CRIM1: variants seen among roughly 807,000 people sequenced by gnomAD.
CRIM1 encodes cysteine-rich motor neuron 1 protein.
Under a neutral mutation model 116.4 loss-of-function variants are expected in CRIM1, and 32 were observed. That is an observed-to-expected ratio of 0.27 (90% confidence interval 0.21 to 0.37). CRIM1 has a LOEUF of 0.37. Among genes scored for constraint, CRIM1 ranks in the 10% least tolerant of loss-of-function variants. The probability of loss-of-function intolerance (pLI) is 1.00; values close to 1 mark genes in which losing one functional copy is unlikely to be tolerated. For synonymous variants in CRIM1, 590 were observed against 509.2 expected, an observed-to-expected ratio of 1.16 and a Z score of -2.13; for missense variants, 1,331 against 1,354.8, an observed-to-expected ratio of 0.98 and a Z score of 0.28.
chr2:36,382,219 G>A (rs1670834161), intron 1 of CRIM1, among the ~76,000 whole-genome samples: 1 of 152,228 alleles, frequency 6.6e-6, no homozygotes, highest in Non-Finnish European at 1.5e-5. Context: ...TTTCCAAACT[G>A]CGCGTGTTGG....
At chr2:36,431,602 T>C (rs933651002) in intron 2 of CRIM1, among the ~76,000 whole-genome samples, 4 of 152,230 alleles carry the variant, frequency 2.6e-5, no homozygotes, top group Non-Finnish European at 4.4e-5. Context: ...CACTTTCTAC[T>C]ACACTACTAA....
chr2:36,373,562 G>A (rs748007501), intron 1 of CRIM1, among the ~76,000 whole-genome samples: 1 of 152,176 alleles, frequency 6.6e-6, no homozygotes, highest in Non-Finnish European at 1.5e-5. Context: ...ACATTTGTTT[G>A]TGATAGAGAA....
chr2:36,381,454 T>TACCCC (rs1344410118), intron 1 of CRIM1, among the ~76,000 whole-genome samples: 1 of 150,690 alleles, frequency 6.6e-6, no homozygotes, highest in Non-Finnish European at 1.5e-5. Flanking sequence ...GCAGTTGGGG[T>TACCCC]GAGGAGGAAA....
intron 7 of CRIM1, among the ~76,000 whole-genome samples, chr2:36,493,630 A>T (rs1030419672): frequency 2.6e-5 from 4 of 152,228 alleles, no homozygotes; most frequent in African/African-American, 9.7e-5. Flanking sequence ...GCTAATCAGA[A>T]AGAGTGCTTC....
chr2:36,408,968 G>A (rs1274522838), intron 2 of CRIM1, among the ~76,000 whole-genome samples: 8 of 151,098 alleles, frequency 5.3e-5, no homozygotes, highest in Non-Finnish European at 1.2e-4. Flanking sequence ...TGTCTTGCCA[G>A]TATTATATAT....
chr2:36,460,209 A>T (rs1187920693), intron 4 of CRIM1, among the ~76,000 whole-genome samples: 1 of 152,208 alleles, frequency 6.6e-6, no homozygotes, highest in South Asian at 2.1e-4. Context: ...ATTAACTCTA[A>T]GGATTACATT....
chr2:36,455,411 T>G (rs752843781), intron 4 of CRIM1, among the ~76,000 whole-genome samples: 4 of 152,174 alleles, frequency 2.6e-5, no homozygotes, highest in African/African-American at 4.8e-5. Flanking sequence ...TGTGGGTACT[T>G]TAATCATCCC....
In CRIM1 at chr2:36,399,135, A is replaced by T. The variant is rs1672242839; in HGVS notation, c.505+2348A>T. Among the ~76,000 whole-genome samples the T allele has an allele frequency of 4.6e-5, 7 of 152,348 alleles. 1 individual carries two copies. The South Asian group carries it at 1.4e-3, about 32-fold the overall frequency. On this transcript the variant is annotated intron_variant, in intron 2 of 16. Coordinates refer to ENST00000280527, the MANE Select transcript of CRIM1 (RefSeq NM_016441.3). Reference sequence around the variant, plus strand: ...AGTTTTATGTTGGTGGACAATAGGAAATAAAGATTGGAGGGAGGATAGGAC... The same window carrying T: ...AGTTTTATGTTGGTGGACAATAGGATATAAAGATTGGAGGGAGGATAGGAC...
At chr2:36,477,423 T>A (rs951443990) in intron 6 of CRIM1, among the ~76,000 whole-genome samples, 1 of 152,052 alleles carries the variant, frequency 6.6e-6, no homozygotes, top group African/African-American at 2.4e-5. Context: ...GCTCACCACC[T>A]CCTCACCTCA....
chr2:36,396,722 C>G lies in CRIM1; in HGVS notation c.440C>G (p.Thr147Ser). ...NGKCECNTIRTCSNPFEFPSQ... is the reference protein window; with the variant it reads ...NGKCECNTIRSCSNPFEFPSQ... ...AAATGTGAATGTAACACCATTCGAA[C>G]CTGCAGCAATCCCTTTGAGTTTCCA... is the stretch of plus-strand genomic sequence containing the variant. The change falls in exon 2 of 17, where the codon ACC (threonine) becomes AGC (serine). Residue 147 changes from threonine to serine, a missense_variant. By Grantham distance (58) the Thr-to-Ser change is moderately conservative. Coordinates refer to ENST00000280527, the MANE Select transcript of CRIM1 (RefSeq NM_016441.3). 2 of 1,613,738 alleles carry G rather than the reference C, an allele frequency of 1.2e-6. No homozygotes were observed. Among genetic ancestry groups the G allele is most frequent in the African/African-American group, 1.3e-5 (1 of 75,050 alleles).
chr2:36,386,251 C>G (rs1486500192), intron 1 of CRIM1, among the ~76,000 whole-genome samples: 1 of 152,114 alleles, frequency 6.6e-6, no homozygotes, highest in East Asian at 1.9e-4. Flanking sequence ...TAATTATTGT[C>G]ATAATACACA....
intron 8 of CRIM1, among the ~76,000 whole-genome samples, chr2:36,508,840 C>T (rs979684138): frequency 6.6e-6 from 1 of 152,144 alleles, no homozygotes; most frequent in Non-Finnish European, 1.5e-5. Flanking sequence ...TGCTACTTTC[C>T]TTTTTGCTCT....
intron 2 of CRIM1, among the ~76,000 whole-genome samples, chr2:36,404,764 A>G (rs182053403): frequency 1.3e-5 from 2 of 152,318 alleles, no homozygotes; most frequent in African/African-American, 4.8e-5. Flanking sequence ...ATTTTTACAC[A>G]AAGACTTCTG....
intron 2 of CRIM1, among the ~76,000 whole-genome samples, chr2:36,438,266 G>A (rs1675486278): frequency 6.6e-6 from 1 of 152,124 alleles, no homozygotes; most frequent in Non-Finnish European, 1.5e-5. Context: ...AAATAAAAAT[G>A]TAATAGAATA....
At chr2:36,399,527 C>G (rs1325644267) in intron 2 of CRIM1, among the ~76,000 whole-genome samples, 2 of 152,086 alleles carry the variant, frequency 1.3e-5, no homozygotes, top group African/African-American at 4.8e-5. Flanking sequence ...GGTTTCTAAC[C>G]TGAAATAGAA....
intron 2 of CRIM1, among the ~76,000 whole-genome samples, chr2:36,438,286 T>C (rs564331378): frequency 2.0e-5 from 3 of 152,326 alleles, no homozygotes; most frequent in African/African-American, 7.2e-5. Context: ...ATGATAAGAA[T>C]ATATTAATGA....
intron 5 of CRIM1, among the ~76,000 whole-genome samples, chr2:36,469,895 C>A (rs958832762): frequency 6.6e-6 from 1 of 152,134 alleles, no homozygotes. Context: ...GTTCTCTTCC[C>A]CTTTTCCTGA....
In CRIM1 at chr2:36,441,238, A is replaced by G; in HGVS notation, c.506-20A>G. The G allele has an allele frequency of 6.2e-7, 1 of 1,613,920 alleles. No homozygotes were observed. Among genetic ancestry groups the G allele is most frequent in the South Asian group, 1.1e-5 (1 of 91,088 alleles). Reference sequence around the variant, plus strand: ...CCACACTGCCCTGGGCATAAGCTAAATTCTTTCTCTCCCTTTTAGAAGAGA... The same window carrying G: ...CCACACTGCCCTGGGCATAAGCTAAGTTCTTTCTCTCCCTTTTAGAAGAGA... On this transcript the variant is annotated intron_variant, in intron 2 of 16. Coordinates refer to ENST00000280527, the MANE Select transcript of CRIM1 (RefSeq NM_016441.3).
chr2:36,440,410 C>G (rs1675715348), intron 2 of CRIM1, among the ~76,000 whole-genome samples: 1 of 152,196 alleles, frequency 6.6e-6, no homozygotes, highest in Admixed American at 6.5e-5. Flanking sequence ...GGGATGATGT[C>G]TTTTAGTCTA....
Sources: gnomAD v4.1 joint callset for allele counts (sites outside exome capture counted in the v4.1 genomes callset) on GRCh38, gnomAD v4.1.1 for gene constraint, MANE v1.5 for transcripts, NCBI Gene and HGNC (gene_info 2026-07-23, HGNC 2026-07-21) for gene names.